SUCO: variants seen among roughly 807,000 people sequenced by gnomAD.
SUCO encodes the protein SUN domain containing ossification factor.
Under a neutral mutation model 148.1 loss-of-function variants are expected in SUCO, and 57 were observed. The observed-to-expected ratio is 0.38, with a 90% CI of 0.31 to 0.48. SUCO has a LOEUF of 0.48. Ranked by LOEUF, SUCO falls within the 20% of genes least tolerant of loss-of-function variation. SUCO has a pLI of 0.96. For synonymous variants in SUCO, 470 were observed against 502.7 expected, an observed-to-expected ratio of 0.93 and a Z score of 0.87; for missense variants, 1,331 against 1,468.2, an observed-to-expected ratio of 0.91 and a Z score of 1.53.
intron 3 of SUCO, among the ~76,000 whole-genome samples, chr1:172,554,621 C>T (rs1409439643): frequency 6.6e-6 from 1 of 151,790 alleles, no homozygotes; most frequent in Non-Finnish European, 1.5e-5. Flanking sequence ...CCTATAGTCT[C>T]AGCTACTCAG....
intron 6 of SUCO, among the ~76,000 whole-genome samples, chr1:172,558,462 A>G (rs988830391): frequency 6.6e-6 from 1 of 152,176 alleles, no homozygotes; most frequent in Non-Finnish European, 1.5e-5. Flanking sequence ...AACAAAAACA[A>G]AAATAAATAG....
At chr1:172,574,779 C>A in intron 10 of SUCO, 2 of 429,888 alleles carry the variant, frequency 4.7e-6, no homozygotes, top group Non-Finnish European at 6.2e-6. Context: ...GTCATTTAAT[C>A]ATTAAGGGTT....
At chr1:172,577,364 T>C (rs948133847) in intron 11 of SUCO, among the ~76,000 whole-genome samples, 175 bp from the exon 12 acceptor site, 2 of 151,746 alleles carry the variant, frequency 1.3e-5, no homozygotes, top group African/African-American at 4.8e-5. Flanking sequence ...ATGGCAAAAA[T>C]TTAAATCATT....
At chr1:172,600,730 G>A (rs1657455771) in intron 20 of SUCO, among the ~76,000 whole-genome samples, 1 of 148,132 alleles carries the variant, frequency 6.8e-6, no homozygotes, top group Non-Finnish European at 1.5e-5. Flanking sequence ...GTGTGTGTGT[G>A]TAGGGTGGTA....
chr1:172,573,991 A>C lies in SUCO; in HGVS notation c.1150A>C (p.Ser384Arg). Reference protein sequence around the residue: ...STPKDFLVSISDRYPTNKWIK... With the variant: ...STPKDFLVSIRDRYPTNKWIK... The stretch of plus-strand genomic sequence containing the variant: ...TCCTAAAGATTTTCTGGTTTCTATC[A>C]GTGACAGGTAAATTCTAAAGCTGTT... The change falls in exon 10 of 24, where the codon AGT (serine) becomes CGT (arginine). Residue 384 changes from serine to arginine, a missense_variant. Transcript: ENST00000263688. The C allele has an allele frequency of 6.5e-7, 1 of 1,547,214 alleles. No individual in the cohort carries two copies.
At chr1:172,565,764 A>G (rs966179840) in intron 6 of SUCO, among the ~76,000 whole-genome samples, 4 of 152,220 alleles carry the variant, frequency 2.6e-5, no homozygotes, top group African/African-American at 9.6e-5. Flanking sequence ...ACATTTTAGG[A>G]TTGAAAATGA....
At position 172,540,150 on chromosome 1, in the gene SUCO, G is replaced by C. The variant is rs75069659; in HGVS notation, c.62+6653G>C. On this transcript the variant is annotated intron_variant, in intron 1 of 23. Coordinates refer to ENST00000263688, the MANE Select transcript of SUCO (RefSeq NM_014283.5). ...GCACAAAGAAGTTAAGTTCTTAACA[G>C]CTTGCCCAAGTTCTTACAGCCAGGA... is the stretch of plus-strand genomic sequence containing the variant. 9.2e-3 allele frequency among the ~76,000 whole-genome samples: 1,398 copies of C among 152,316 alleles called. 23 individuals are homozygous for C. The highest frequency in any genetic ancestry group is 0.032 in the African/African-American group (1,336 of 41,578).
At chr1:172,551,132 T>C (rs1653265586) in intron 1 of SUCO, among the ~76,000 whole-genome samples, 1 of 152,092 alleles carries the variant, frequency 6.6e-6, no homozygotes, top group Admixed American at 6.5e-5. Flanking sequence ...TTTAAACAGT[T>C]GAGGTAACTT....
chr1:172,573,738 T>G (rs1276842943), intron 9 of SUCO, among the ~76,000 whole-genome samples, 153 bp from the exon 10 acceptor site: 1 of 152,144 alleles, frequency 6.6e-6, no homozygotes, highest in Non-Finnish European at 1.5e-5. Flanking sequence ...TTAAAGATGC[T>G]TCTTATAGAC....
Position 172,608,795 on chromosome 1 carries a change from A to T in SUCO, c.3314A>T (p.Glu1105Val), listed in dbSNP as rs144344228. ...GTAGAACCCCTCAAGTTTTCTCCAG[A>T]AAAGAAGGTAATTGTTTATTTCTTT... ...YIVEPLKFSP[E>V]KKKKRCKYKI... Residue 1105 changes from glutamate (E) to valine (V), a missense_variant, in exon 23 of 24, where the codon GAA (glutamate) becomes GTA (valine). Physicochemically the swap from Glu to Val is moderately radical, Grantham distance 121. Transcript: ENST00000263688. 3.1e-5 allele frequency: 48 copies of T among 1,568,756 alleles called. No individual in the cohort carries two copies. Among genetic ancestry groups the T allele is most frequent in the Non-Finnish European group, 3.9e-5 (45 of 1,146,124 alleles).
Position 172,579,223 on chromosome 1 carries a change from C to T in SUCO, c.1454C>T (p.Thr485Ile). The change falls in exon 15 of 24, where the codon ACT becomes ATT. Residue 485 changes from threonine to isoleucine, a missense_variant. By Grantham distance (89) the Thr-to-Ile change is moderately conservative. This residue lies in a region of SUCO where 992 missense variants were observed against 1,093.5 expected (regional missense o/e 0.91). Transcript: ENST00000263688. ...ACAGATTATCCACTGGATTATAATA[C>T]TGGAGAGGATAAATCCTCAAAAAAT... ...EDYDYPLDYN[T>I]GEDKSSKNLL... The T allele has an allele frequency of 1.3e-6, 2 of 1,596,482 alleles. No homozygotes were observed. The highest frequency in any genetic ancestry group is 1.7e-6 in the Non-Finnish European group (2 of 1,165,744).
In SUCO at chr1:172,557,741, G is replaced by A; in HGVS notation, c.679G>A (p.Gly227Ser). 7 of 1,610,816 alleles carry A rather than the reference G, an allele frequency of 4.3e-6. No homozygotes were observed. Among genetic ancestry groups the A allele is most frequent in the Non-Finnish European group, 5.9e-6 (7 of 1,179,170 alleles). The change falls in exon 6 of 24, where the codon GGC becomes AGC. Residue 227 changes from glycine to serine, a missense_variant. This residue lies in a region of SUCO where 992 missense variants were observed against 1,093.5 expected (regional missense o/e 0.91). Coordinates refer to ENST00000263688, the MANE Select transcript of SUCO (RefSeq NM_014283.5). ...FESKVSASEQ[G>S]GGDPKSALNA... ...ATCAAAAGTTTCAGCAAGTGAACAG[G>A]GCGGTGGTGATCCAAAATCTGCATT...
intron 2 of SUCO, chr1:172,552,577 TATTTAA>T (rs1251818420): frequency 1.1e-6 from 1 of 943,986 alleles, no homozygotes; most frequent in African/African-American, 1.8e-5. Context: ...TAGAGTGGAT[TATTTAA>T]ATTTAAGTTA....
In SUCO at chr1:172,600,214, G is replaced by T. The variant is rs201060937; in HGVS notation, c.3018+46G>T. 3.5e-4 allele frequency: 465 copies of T among 1,334,750 alleles called. 4 individuals are homozygous for T. The highest frequency in any genetic ancestry group is 3.2e-3 in the South Asian group (241 of 75,996). The allele number at this position is 1,334,750 out of a possible 1,614,324, so 82.7% of individuals were successfully genotyped here. Reference sequence around the variant, plus strand: ...TGCGAGACCCAATGCATGTATAGAGGTTGTCATAAAGCCAGGCTTGTTAAC... The same window carrying T: ...TGCGAGACCCAATGCATGTATAGAGTTTGTCATAAAGCCAGGCTTGTTAAC... On this transcript the variant is annotated intron_variant, in intron 20 of 23. Transcript: ENST00000263688.
intron 19 of SUCO, among the ~76,000 whole-genome samples, chr1:172,599,221 C>T (rs530784535): frequency 1.3e-5 from 2 of 151,926 alleles, no homozygotes; most frequent in South Asian, 2.1e-4. Flanking sequence ...CCCAGCTACT[C>T]GGGAGGCTGA....
rs1654897082 is a variant in SUCO at position 172,570,739 on chromosome 1, T to C, written c.1049+9T>C. ...TGCAGCACTAAAATTTGGTGAGTTA[T>C]ACACAATTTTAAAAAGTACATTCTA... On this transcript the variant is annotated intron_variant, in intron 9 of 23. Coordinates refer to ENST00000263688, the MANE Select transcript of SUCO (RefSeq NM_014283.5). The C allele has an allele frequency of 3.9e-6, 6 of 1,557,398 alleles. No homozygotes were observed. Among genetic ancestry groups the C allele is most frequent in the South Asian group, 2.2e-5 (2 of 88,890 alleles).
chr1:172,588,982 T>G lies in SUCO; in HGVS notation c.1881T>G (p.Ser627=). ...CSELTTICCI[S]SFSEYIYKWC... ...AACTGACCACAATTTGTTGTATTTC[T>G]AGTTTTTCAGAATACATATATAAAT... The change falls in exon 18 of 24, where the codon TCT becomes TCG. Residue 627 remains serine, a synonymous_variant. Coordinates refer to ENST00000263688, the MANE Select transcript of SUCO (RefSeq NM_014283.5). The G allele has an allele frequency of 4.3e-6, 7 of 1,610,686 alleles. No individual in the cohort carries two copies. Among genetic ancestry groups the G allele is most frequent in the Non-Finnish European group, 5.9e-6 (7 of 1,178,370 alleles).
chr1:172,577,187 ACTT>A (rs1217389879), intron 11 of SUCO: 2 of 214,422 alleles, frequency 9.3e-6, no homozygotes, highest in Non-Finnish European at 1.6e-5. Context: ...TGTCTGTAAT[ACTT>A]AAAGTAAAAG....
In SUCO at chr1:172,600,142, G is replaced by A. The variant is rs759785388; in HGVS notation, c.2992G>A (p.Ala998Thr). Residue 998 changes from alanine (A) to threonine (T), a missense_variant, in exon 20 of 24, where the codon GCA becomes ACA. By Grantham distance (58) the Ala-to-Thr change is moderately conservative (BLOSUM62 0). Around this residue, in one of 3 missense-constraint regions of SUCO, gnomAD observed 334 missense variants for 352.3 expected, o/e 0.95. Coordinates refer to ENST00000263688, the MANE Select transcript of SUCO (RefSeq NM_014283.5). ...NMTQLVSNLSATVAELKREVS... is the reference protein window; with the variant it reads ...NMTQLVSNLSTTVAELKREVS... ...GACACAGCTTGTTTCAAATTTATCA[G>A]CAACAGTAGCAGAATTGAAACGGGA... The A allele has an allele frequency of 3.1e-6, 5 of 1,611,460 alleles. No individual in the cohort carries two copies. The highest frequency in any genetic ancestry group is 1.7e-4 in the Middle Eastern group (1 of 6,058).
Sources: allele counts gnomAD v4.1 joint callset (sites outside exome capture counted in the v4.1 genomes callset), GRCh38; gene constraint gnomAD v4.1.1; regional missense constraint gnomAD v4.1.1; transcripts MANE v1.5; gene names NCBI Gene and HGNC (gene_info 2026-07-23, HGNC 2026-07-21).